RPS6KC1: variants seen among roughly 807,000 people sequenced by gnomAD.
The protein encoded by RPS6KC1 is inactive ribosomal protein S6 kinase delta-1.
RPS6KC1 carries 54 observed loss-of-function variants against 103.8 expected under a neutral mutation model. The observed-to-expected ratio is 0.52, with a 90% CI of 0.42 to 0.65. RPS6KC1 has a LOEUF of 0.65. RPS6KC1 is among the 30% of genes least tolerant of loss of function. RPS6KC1 has a pLI of 0.00. For synonymous variants in RPS6KC1, 439 were observed against 438.7 expected (o/e 1.00, Z -0.01); for missense variants, 1,151 against 1,253.8 (o/e 0.92, Z 1.24).
At chr1:213,161,361 C>T (rs1183040766) in intron 6 of RPS6KC1, among the ~76,000 whole-genome samples, 2 of 151,812 alleles carry the variant, frequency 1.3e-5, no homozygotes, top group Non-Finnish European at 2.9e-5. Flanking sequence ...CGCTCTGTCA[C>T]CCAGGGTGGA....
the RPS6KC1 span, among the ~76,000 whole-genome samples, chr1:213,537,055 A>G: frequency 6.6e-6 from 1 of 152,200 alleles, no homozygotes; most frequent in Non-Finnish European, 1.5e-5. Flanking sequence ...ACAAGCTGCA[A>G]CTGCTTGCAA....
At chr1:213,572,100 T>A in the RPS6KC1 span, among the ~76,000 whole-genome samples, 1 of 152,002 alleles carries the variant, frequency 6.6e-6, no homozygotes, top group Non-Finnish European at 1.5e-5. Context: ...CAAGACAAAA[T>A]CAGGATGGAG....
the RPS6KC1 span, among the ~76,000 whole-genome samples, chr1:213,625,720 G>A: frequency 6.6e-6 from 1 of 152,114 alleles, no homozygotes; most frequent in East Asian, 1.9e-4. Context: ...GAGAATGATG[G>A]TTTCCAGCTT....
At chr1:213,319,027 T>C in the RPS6KC1 span, among the ~76,000 whole-genome samples, 171 of 152,276 alleles carry the variant, frequency 1.1e-3, no homozygotes, top group African/African-American at 3.7e-3. Flanking sequence ...GCAAGGTAGC[T>C]GGGTGCGGTG....
chr1:213,371,849 C>A, the RPS6KC1 span, among the ~76,000 whole-genome samples: 2 of 152,190 alleles, frequency 1.3e-5, no homozygotes, highest in Admixed American at 1.3e-4. Context: ...GACCTCACCT[C>A]TCCAGGCATT....
chr1:213,372,106 G>A, the RPS6KC1 span, among the ~76,000 whole-genome samples: 4 of 152,196 alleles, frequency 2.6e-5, no homozygotes, highest in South Asian at 2.1e-4. Flanking sequence ...GACAGGCAGC[G>A]GAAGTGGAAG....
the RPS6KC1 span, among the ~76,000 whole-genome samples, chr1:213,375,290 T>C: frequency 1.3e-5 from 2 of 151,418 alleles, no homozygotes; most frequent in African/African-American, 4.9e-5. Context: ...TATACACACA[T>C]ACATACACAC....
chr1:213,188,786 A>G (rs932675212), intron 8 of RPS6KC1, among the ~76,000 whole-genome samples: 4 of 152,132 alleles, frequency 2.6e-5, no homozygotes, highest in African/African-American at 7.2e-5. Flanking sequence ...ATTCTTTCCA[A>G]ATTGATACAC....
chr1:213,133,064 T>C (rs2085834152), intron 6 of RPS6KC1, among the ~76,000 whole-genome samples: 1 of 152,220 alleles, frequency 6.6e-6, no homozygotes, highest in Admixed American at 6.5e-5. Flanking sequence ...CTTTGAATTC[T>C]CTTTGAACCT....
At chr1:213,569,088 G>C in the RPS6KC1 span, among the ~76,000 whole-genome samples, 1 of 152,224 alleles carries the variant, frequency 6.6e-6, no homozygotes, top group East Asian at 1.9e-4. Flanking sequence ...AGTGGTCAGG[G>C]ACCCTGGGCT....
At chr1:213,669,474 G>A in the RPS6KC1 span, among the ~76,000 whole-genome samples, 2 of 152,104 alleles carry the variant, frequency 1.3e-5, no homozygotes, top group African/African-American at 4.8e-5. Context: ...TAACATCAAA[G>A]ATCACTGATC....
the RPS6KC1 span, among the ~76,000 whole-genome samples, chr1:213,526,758 A>T: frequency 6.6e-6 from 1 of 152,218 alleles, no homozygotes; most frequent in Admixed American, 6.5e-5. Flanking sequence ...TTCGGGGGAC[A>T]GGAAGGATGT....
At chr1:213,380,870 T>C in the RPS6KC1 span, among the ~76,000 whole-genome samples, 18 of 152,208 alleles carry the variant, frequency 1.2e-4, 1 homozygote, top group African/African-American at 4.1e-4. Flanking sequence ...AGGGCTCCTG[T>C]TCTAGTCCCC....
the RPS6KC1 span, among the ~76,000 whole-genome samples, chr1:213,303,900 C>T: frequency 2.0e-5 from 3 of 152,114 alleles, no homozygotes; most frequent in East Asian, 3.9e-4. Context: ...GCCTGAATTG[C>T]GTTTAGAAGG....
chr1:213,598,033 A>C, the RPS6KC1 span, among the ~76,000 whole-genome samples: 1 of 152,222 alleles, frequency 6.6e-6, no homozygotes, highest in South Asian at 2.1e-4. Flanking sequence ...AGGTTGACGC[A>C]AAAGTAATTG....
In RPS6KC1 at chr1:213,166,103, G is replaced by A. The variant is rs536820966; in HGVS notation, c.836-1755G>A. Among the ~76,000 whole-genome samples, 30 of 150,644 alleles carry A rather than the reference G, an allele frequency of 2.0e-4. 1 individual carries two copies. In the South Asian group the frequency reaches 5.2e-3, roughly 26 times the overall value. On this transcript the variant is annotated intron_variant, in intron 6 of 14. Coordinates refer to ENST00000366960, the MANE Select transcript of RPS6KC1 (RefSeq NM_012424.6). ...TAGTTGTTCCATATCTTGACATTTCGAATTCCAAATTATTTGGTGAGTTTT... is the reference window on the plus strand; with the variant it reads ...TAGTTGTTCCATATCTTGACATTTCAAATTCCAAATTATTTGGTGAGTTTT...
chr1:213,415,225 G>A, the RPS6KC1 span, among the ~76,000 whole-genome samples: 1 of 152,196 alleles, frequency 6.6e-6, no homozygotes, highest in Non-Finnish European at 1.5e-5. Flanking sequence ...CCAGTGAGGT[G>A]GAAAGAAGCT....
the RPS6KC1 span, among the ~76,000 whole-genome samples, chr1:213,636,124 C>T: frequency 6.6e-6 from 1 of 152,062 alleles, no homozygotes; most frequent in Non-Finnish European, 1.5e-5. Flanking sequence ...AAAGAGGACA[C>T]AAAGAAATGG....
chr1:213,226,117 G>C (rs902501125), intron 8 of RPS6KC1, among the ~76,000 whole-genome samples: 1 of 151,944 alleles, frequency 6.6e-6, no homozygotes, highest in African/African-American at 2.4e-5. Context: ...CAGCTACTCC[G>C]GAGGCTGAGG....
Sources: allele counts gnomAD v4.1 joint callset (sites outside exome capture counted in the v4.1 genomes callset), GRCh38; gene constraint gnomAD v4.1.1; transcripts MANE v1.5; gene names NCBI Gene and HGNC (gene_info 2026-07-23, HGNC 2026-07-21).